Variants in FILIP1L observed in about 807,000 individuals in gnomAD.
FILIP1L encodes the protein filamin A-interacting protein 1-like.
In FILIP1L, 55 loss-of-function variants were observed where a neutral mutation model predicts 96.6. The ratio of observed to expected loss-of-function variants is 0.57; its 90% CI spans 0.46 to 0.71. The LOEUF is 0.71. Ranked by LOEUF, FILIP1L falls within the 30% of genes least tolerant of loss-of-function variation. The pLI is 0.00. For synonymous variants in FILIP1L, 467 were observed against 473.9 expected (o/e 0.99, Z 0.19); for missense variants, 1,304 against 1,321.2 (o/e 0.99, Z 0.20).
rs560403059 is a variant in FILIP1L, at chr3:100,032,365, G to A, written c.-11+81688C>T. 1.1e-4 allele frequency among the ~76,000 whole-genome samples: 16 copies of A among 152,288 alleles called. No individual in the cohort carries two copies. In the South Asian group the frequency reaches 3.3e-3, roughly 32 times the overall value. ...GAAATGCAGGTTATAGCTGGCTTTA[G>A]AGAAGAAAAGTGGAAATAAGAAGAG... On this transcript the variant is annotated intron_variant, in intron 1 of 5. Coordinates refer to ENST00000477258, the MANE Select transcript of FILIP1L (RefSeq NM_001387850.1).
intron 4 of FILIP1L, among the ~76,000 whole-genome samples, chr3:99,900,655 C>T (rs888294258): frequency 2.6e-5 from 4 of 152,212 alleles, no homozygotes; most frequent in African/African-American, 9.7e-5. Context: ...CCATAAAGTA[C>T]CAAATGGGCT....
rs115008419 is a variant in FILIP1L at position 99,834,694 on chromosome 3, A to C, written c.3382-4089T>G. Among the ~76,000 whole-genome samples the C allele has an allele frequency of 4.9e-3, 732 of 150,276 alleles. 10 individuals carry two copies. The highest frequency in any genetic ancestry group is 0.016 in the African/African-American group (672 of 40,814). ...CCCTCCCCTCTCCTGTGTCTTTCTC[A>C]TTTCTTCATTTGCACCCACTTAATT... On this transcript the variant is annotated intron_variant, in intron 5 of 5. Coordinates refer to ENST00000477258, the MANE Select transcript of FILIP1L (RefSeq NM_001387850.1).
intron 1 of FILIP1L, among the ~76,000 whole-genome samples, chr3:100,042,419 G>A (rs1365904612): frequency 5.3e-5 from 8 of 152,200 alleles, no homozygotes; most frequent in East Asian, 1.9e-4. Flanking sequence ...TAGCCTGTGA[G>A]CACCATCATG....
intron 1 of FILIP1L, among the ~76,000 whole-genome samples, chr3:99,970,221 A>C (rs1037273010): frequency 6.6e-6 from 1 of 152,226 alleles, no homozygotes; most frequent in African/African-American, 2.4e-5. Flanking sequence ...AATAATAAGT[A>C]ATTTGCCCAA....
chr3:99,967,663 T>G (rs780229789), intron 1 of FILIP1L, among the ~76,000 whole-genome samples: 6 of 152,176 alleles, frequency 3.9e-5, no homozygotes, highest in Non-Finnish European at 7.3e-5. Context: ...ATAACGTTCT[T>G]TGGGCCTTGG....
intron 4 of FILIP1L, among the ~76,000 whole-genome samples, chr3:99,875,590 A>G (rs1008563731): frequency 2.0e-5 from 3 of 152,216 alleles, no homozygotes; most frequent in Non-Finnish European, 4.4e-5. Flanking sequence ...CTTAATTCCA[A>G]GATGTATTCC....
chr3:99,991,958 G>GTGTGTATATATACACACATATA (rs1465278244), intron 1 of FILIP1L, among the ~76,000 whole-genome samples: 1 of 147,100 alleles, frequency 6.8e-6, no homozygotes, highest in Non-Finnish European at 1.5e-5. Context: ...GTGTATATAT[G>GTGTGTATATATACACACATATA]TGTGTATATA....
intron 4 of FILIP1L, among the ~76,000 whole-genome samples, chr3:99,901,243 T>C (rs947785297): frequency 6.6e-6 from 1 of 152,334 alleles, no homozygotes; most frequent in African/African-American, 2.4e-5. Flanking sequence ...GGATAGTACC[T>C]TCCTTTAGAG....
chr3:100,068,512 T>A (rs1327770358), intron 1 of FILIP1L, among the ~76,000 whole-genome samples: 1 of 152,238 alleles, frequency 6.6e-6, no homozygotes, highest in Non-Finnish European at 1.5e-5. Flanking sequence ...GCTATAGGAA[T>A]ATTAATGTTG....
chr3:99,832,434 G>A (rs1315305476), intron 5 of FILIP1L, among the ~76,000 whole-genome samples: 3 of 148,484 alleles, frequency 2.0e-5, no homozygotes, highest in Non-Finnish European at 4.5e-5. Flanking sequence ...GTTTCACTGT[G>A]TTAGCCAGGA....
At chr3:100,094,923 C>T (rs1474096801) in intron 1 of FILIP1L, among the ~76,000 whole-genome samples, 1 of 151,872 alleles carries the variant, frequency 6.6e-6, no homozygotes, top group Non-Finnish European at 1.5e-5. Flanking sequence ...CTCCTGACCT[C>T]GTGATCCACC....
At chr3:100,058,942 G>T (rs1458290078) in intron 1 of FILIP1L, among the ~76,000 whole-genome samples, 1 of 152,348 alleles carries the variant, frequency 6.6e-6, no homozygotes, top group East Asian at 1.9e-4. Context: ...AGTTTGGACA[G>T]CATGGAGAAG....
intron 4 of FILIP1L, among the ~76,000 whole-genome samples, chr3:99,891,953 C>G (rs1706095046): frequency 6.6e-6 from 1 of 152,142 alleles, no homozygotes; most frequent in Non-Finnish European, 1.5e-5. Flanking sequence ...TTCACTAACA[C>G]TTATTAGTTA....
At chr3:99,873,895 G>C (rs1476274687) in intron 4 of FILIP1L, among the ~76,000 whole-genome samples, 2 of 152,148 alleles carry the variant, frequency 1.3e-5, no homozygotes, top group African/African-American at 2.4e-5. Flanking sequence ...AACTTACTAA[G>C]CATAAAATTA....
intron 1 of FILIP1L, among the ~76,000 whole-genome samples, chr3:99,936,058 G>A (rs1042463503): frequency 7.9e-5 from 12 of 151,914 alleles, no homozygotes; most frequent in Admixed American, 7.2e-4. Flanking sequence ...ACATAGTTAG[G>A]TGCTACTTAG....
Position 99,908,835 on chromosome 3 carries a change from C to T in FILIP1L, c.605+15395G>A, listed in dbSNP as rs1469561320. Reference sequence around the variant, plus strand: ...CTTTGTATTTTTTGTATAGAATATACAAAATAGAATCTACCATCTACAAAA... The same window carrying T: ...CTTTGTATTTTTTGTATAGAATATATAAAATAGAATCTACCATCTACAAAA... On this transcript the variant is annotated intron_variant, in intron 4 of 5. Transcript: ENST00000477258. Among the ~76,000 whole-genome samples, 8 of 151,884 alleles carry T rather than the reference C, an allele frequency of 5.3e-5. No individual in the cohort carries two copies. The South Asian group carries it at 1.5e-3, about 28-fold the overall frequency.
chr3:100,063,808 C>T (rs2065614800), intron 1 of FILIP1L, among the ~76,000 whole-genome samples: 1 of 152,102 alleles, frequency 6.6e-6, no homozygotes, highest in Non-Finnish European at 1.5e-5. Context: ...ATTTTTAAAG[C>T]ATCTAATTTC....
Position 100,107,782 on chromosome 3 carries a change from A to G in FILIP1L, c.-11+6271T>C, listed in dbSNP as rs116578352. On this transcript the variant is annotated intron_variant, in intron 1 of 5. Transcript: ENST00000477258. The stretch of plus-strand genomic sequence containing the variant: ...TTAGAAATTTCATTGTCTCCTCAGA[A>G]TCCTCTGGACTGTGAGGCCATAAAC... 4.6e-3 allele frequency among the ~76,000 whole-genome samples: 703 copies of G among 152,084 alleles called. 2 individuals are homozygous for G. The highest frequency in any genetic ancestry group is 6.7e-3 in the South Asian group (32 of 4,808).
chr3:99,905,959 G>C (rs191442811), intron 4 of FILIP1L, among the ~76,000 whole-genome samples: 2 of 152,180 alleles, frequency 1.3e-5, no homozygotes, highest in Non-Finnish European at 2.9e-5. Context: ...TTGGGAGGCT[G>C]AGGCAGGCAG....
Sources: allele counts gnomAD v4.1 joint callset (sites outside exome capture counted in the v4.1 genomes callset), GRCh38; gene constraint gnomAD v4.1.1; transcripts MANE v1.5; gene names NCBI Gene and HGNC (gene_info 2026-07-23, HGNC 2026-07-21).